Variants in EBF4 observed in about 807,000 individuals in gnomAD.
EBF4 encodes the protein transcription factor COE4.
A neutral mutation model predicts 67.1 loss-of-function variants in EBF4; 34 were observed. That is an observed-to-expected ratio of 0.51 (90% confidence interval 0.39 to 0.67). The LOEUF is 0.67. Ranked by LOEUF, EBF4 falls within the 30% of genes least tolerant of loss-of-function variation. The pLI is 0.00. For synonymous variants in EBF4, 387 were observed against 377.7 expected (o/e 1.02, Z -0.29); for missense variants, 837 against 873.3 (o/e 0.96, Z 0.52).
At chr20:2,749,713 G>T in exon 9 of EBF4, 1 of 1,554,870 alleles carries the variant, frequency 6.4e-7, no homozygotes, top group Non-Finnish European at 8.7e-7. Flanking sequence ...TTCTTCGACG[G>T]GTTGCAGGTC....
intron 6 of EBF4, among the ~76,000 whole-genome samples, chr20:2,743,421 G>T (rs537385328): frequency 2.0e-5 from 3 of 152,216 alleles, no homozygotes; most frequent in Non-Finnish European, 4.4e-5. Flanking sequence ...CTTTAGGGGC[G>T]GGTCACCTTT....
At chr20:2,698,870 G>A (rs2087335231) in intron 1 of EBF4, among the ~76,000 whole-genome samples, 1 of 152,162 alleles carries the variant, frequency 6.6e-6, no homozygotes, top group Admixed American at 6.5e-5. Flanking sequence ...GTGGGGAGAA[G>A]GGAAGGCAAG....
chr20:2,694,459 G>C (rs1328778871), intron 1 of EBF4, among the ~76,000 whole-genome samples: 1 of 152,190 alleles, frequency 6.6e-6, no homozygotes, highest in Non-Finnish European at 1.5e-5. Flanking sequence ...GCAGGGGTCT[G>C]GGAGTCTCAG....
At position 2,756,789 on chromosome 20, in the gene EBF4, C is replaced by T. The variant is rs547632837; in HGVS notation, c.1738+965C>T. ...AGTATTCCCCAAGACAATAATGGGT[C>T]AGAGCAACAGAGCATTAGGAAAGAA... On this transcript the variant is annotated intron_variant, in intron 15 of 16. Transcript: ENST00000609451. The surrounding 1 kb of genome is among the most constrained non-coding windows in gnomAD (Gnocchi z 4.5). Among the ~76,000 whole-genome samples, 544 of 152,254 alleles carry T rather than the reference C, an allele frequency of 3.6e-3. 4 individuals carry two copies. Among genetic ancestry groups the T allele is most frequent in the African/African-American group, 0.012 (505 of 41,540 alleles).
In EBF4 at chr20:2,707,021, A is replaced by T. The variant is rs1265606950; in HGVS notation, c.414+757A>T. Among the ~76,000 whole-genome samples the T allele has an allele frequency of 6.6e-6, 1 of 152,218 alleles. No homozygotes were observed. Among genetic ancestry groups the T allele is most frequent in the Non-Finnish European group, 1.5e-5 (1 of 68,040 alleles). On this transcript the variant is annotated intron_variant, in intron 4 of 16. Coordinates refer to ENST00000609451, the Ensembl canonical transcript of EBF4. The surrounding 1 kb of genome is among the most constrained non-coding windows in gnomAD (Gnocchi z 4.6). ...TCAGGGCTTTTCAGAGAAGCTGTGC[A>T]TGCTGGCAAGGAGGGGGCTGAGTCT... is the stretch of plus-strand genomic sequence containing the variant.
In EBF4 at chr20:2,739,632, GC is replaced by G; in HGVS notation, c.558-8914del. Among the ~76,000 whole-genome samples, 1 of 152,164 alleles carries G rather than the reference GC, an allele frequency of 6.6e-6. No individual in the cohort carries two copies. Among genetic ancestry groups the G allele is most frequent in the African/African-American group, 2.4e-5 (1 of 41,434 alleles). On this transcript the variant is annotated intron_variant, in intron 6 of 16. Transcript: ENST00000609451. The surrounding 1 kb of genome is among the most constrained non-coding windows in gnomAD (Gnocchi z 4.5). ...TATGGAATGAATGAGGGGATGAATG[GC>G]CCAGCCCTCTGTGTCCTCCTCTGTC... is the stretch of plus-strand genomic sequence containing the variant.
At position 2,751,261 on chromosome 20, in the gene EBF4, A is replaced by C; in HGVS notation, c.1019-439A>C. Reference sequence around the variant, plus strand: ...CAAACCTCTAGCCTTCAGATGCTGCAGAGAGTCCACTTGAGCCGTGATAAA... The same window carrying C: ...CAAACCTCTAGCCTTCAGATGCTGCCGAGAGTCCACTTGAGCCGTGATAAA... On this transcript the variant is annotated intron_variant, in intron 10 of 16. Coordinates refer to ENST00000609451, the Ensembl canonical transcript of EBF4. The surrounding 1 kb of genome is among the most constrained non-coding windows in gnomAD (Gnocchi z 5.2). 6.6e-6 allele frequency among the ~76,000 whole-genome samples: 1 copy of C among 152,196 alleles called. No individual in the cohort carries two copies. The highest frequency in any genetic ancestry group is 6.5e-5 in the Admixed American group (1 of 15,284).
At chr20:2,752,584 G>C in intron 14 of EBF4, 39 bp downstream of exon 14, 1 of 1,227,012 alleles carries the variant, frequency 8.1e-7, no homozygotes. Flanking sequence ...TCTGGGGCCG[G>C]GGAGCGGAAC....
At chr20:2,759,555 G>A (rs1415328381), downstream of EBF4, 2 of 158,544 alleles carry the variant, frequency 1.3e-5, no homozygotes, top group Non-Finnish European at 2.8e-5. Flanking sequence ...CACTGTCTGG[G>A]TCTTGGTTCC....
At chr20:2,725,142 A>G (rs542132143) in intron 6 of EBF4, among the ~76,000 whole-genome samples, 2 of 152,250 alleles carry the variant, frequency 1.3e-5, no homozygotes, top group Admixed American at 1.3e-4. Context: ...CTAATGTTAC[A>G]TCTCATTTGC....
chr20:2,700,236 T>G (rs1258125579), intron 1 of EBF4, among the ~76,000 whole-genome samples: 1 of 152,070 alleles, frequency 6.6e-6, no homozygotes, highest in Admixed American at 6.6e-5. Flanking sequence ...TTTCTCATCT[T>G]TGTCTCACCC....
At chr20:2,723,414 A>G (rs6037388) in intron 6 of EBF4, among the ~76,000 whole-genome samples, 55,845 of 151,472 alleles carry the variant, frequency 0.37, 12,434 homozygotes, top group African/African-American at 0.63. Flanking sequence ...GCAGTGGCGC[A>G]ATCTCGGCTC....
At chr20:2,748,931 G>A (rs2088095063) in intron 7 of EBF4, among the ~76,000 whole-genome samples, 2 of 152,308 alleles carry the variant, frequency 1.3e-5, no homozygotes, top group African/African-American at 4.8e-5. Context: ...GAGAGCAGCT[G>A]CCCTTAGCAC....
intron 1 of EBF4, among the ~76,000 whole-genome samples, chr20:2,694,064 G>C (rs1383889682): frequency 6.6e-6 from 1 of 152,228 alleles, no homozygotes; most frequent in Admixed American, 6.5e-5. Flanking sequence ...GCTGTCTATG[G>C]CTCTGAGAGA....
upstream of EBF4, chr20:2,693,557 G>T: frequency 1.6e-6 from 2 of 1,284,360 alleles, no homozygotes; most frequent in Non-Finnish European, 2.0e-6. This position sits in a 1 kb window ranked among gnomAD's most constrained non-coding sequence, Gnocchi z 4.6. Flanking sequence ...GAGGCGCCTG[G>T]TGCCGTCGGG....
At chr20:2,748,469 G>A in intron 6 of EBF4, 80 bp from the exon 7 acceptor site, 3 of 1,350,552 alleles carry the variant, frequency 2.2e-6, no homozygotes, top group South Asian at 1.3e-5. Flanking sequence ...TGTGGGGAGG[G>A]GGCATGGCAG....
At chr20:2,725,651 A>G (rs1249807168) in intron 6 of EBF4, among the ~76,000 whole-genome samples, 1 of 152,088 alleles carries the variant, frequency 6.6e-6, no homozygotes, top group African/African-American at 2.4e-5. Flanking sequence ...ATTTGGTTGA[A>G]CCAAATCTGG....
rs960311848 is a variant in EBF4, at chr20:2,745,498, G to A, written c.558-3051G>A. Among the ~76,000 whole-genome samples, 4 of 152,172 alleles carry A rather than the reference G, an allele frequency of 2.6e-5. No homozygotes were observed. The highest frequency in any genetic ancestry group is 9.7e-5 in the African/African-American group (4 of 41,428). On this transcript the variant is annotated intron_variant, in intron 6 of 16. Transcript: ENST00000609451. This position sits in a 1 kb window ranked among gnomAD's most constrained non-coding sequence, Gnocchi z 5.2. ...ACAGAGGTGCTGGCAGGTCCCTAGG[G>A]CTCTCAGAAAGGGGTGGTCCTTGAA...
rs139607701 is a variant in EBF4 at position 2,707,432 on chromosome 20, A to C, written c.415-515A>C. On this transcript the variant is annotated intron_variant, in intron 4 of 16. Transcript: ENST00000609451. This position sits in a 1 kb window ranked among gnomAD's most constrained non-coding sequence, Gnocchi z 4.6. ...AGACCGAGCCTGGGCTAGGGATGGT[A>C]TGGGGGAAGAGGCGATAGTTATCTA... 4.2e-3 allele frequency among the ~76,000 whole-genome samples: 636 copies of C among 152,208 alleles called. 4 individuals are homozygous for C. Among genetic ancestry groups the C allele is most frequent in the African/African-American group, 0.014 (586 of 41,502 alleles).
Sources: gnomAD v4.1 joint callset for allele counts (sites outside exome capture counted in the v4.1 genomes callset) on GRCh38, gnomAD v4.1.1 for gene constraint, Gnocchi (gnomAD v3.1) non-coding constraint, MANE v1.5 for transcripts, NCBI Gene and HGNC (gene_info 2026-07-23, HGNC 2026-07-21) for gene names.